Variants in CRLF2 observed in about 807,000 individuals in gnomAD.
The protein encoded by CRLF2 is cytokine receptor like factor 2, also known as cytokine receptor-like factor 2.
Under a neutral mutation model 38.7 loss-of-function variants are expected in CRLF2, and 41 were observed. The observed-to-expected ratio is 1.06, with a 90% CI of 0.83 to 1.37. CRLF2 has a LOEUF of 1.37. Ranked by LOEUF, CRLF2 falls within the 40% of genes most tolerant of loss-of-function variation. CRLF2 has a pLI of 0.00. For missense variants in CRLF2, 377 were observed against 322.2 expected (o/e 1.17, Z -1.30); for synonymous variants, 140 against 128.8 (o/e 1.09, Z -0.59).
At chrX:1,195,142 G>A (rs1448571033) in intron 6 of CRLF2, among the ~76,000 whole-genome samples, 9 of 151,852 alleles carry the variant, frequency 5.9e-5, no homozygotes, top group Non-Finnish European at 7.4e-5. Flanking sequence ...GCAGTGAGCC[G>A]AGATCACGCC....
chrX:1,202,575 T>G (rs1216077172), intron 3 of CRLF2, 40 bp from the exon 4 acceptor site: 6 of 1,613,032 alleles, frequency 3.7e-6, no homozygotes, highest in Non-Finnish European at 5.1e-6. Flanking sequence ...CCCTCCTCTC[T>G]GAGCTGATTG....
In CRLF2 at chrX:1,191,168, G is replaced by T. The variant is rs1168463793; in HGVS notation, c.853-8C>A. On this transcript the variant is annotated splice_region_variant and splice_polypyrimidine_tract_variant and intron_variant, in intron 7 of 7. Coordinates refer to ENST00000400841, the MANE Select transcript of CRLF2 (RefSeq NM_022148.4). ...GGTGTCTGTGATCCACTCCTACCAG[G>T]AAGAACATTCTAGCTCAAACACAGT... 2.5e-6 allele frequency: 1 copy of T among 398,666 alleles called. No individual in the cohort carries two copies. Among genetic ancestry groups the T allele is most frequent in the African/African-American group, 2.1e-5 (1 of 48,724 alleles). 24.7% of individuals were successfully genotyped at this position (398,666 alleles called of 1,614,324 possible).
intron 5 of CRLF2, 93 bp downstream of exon 5, chrX:1,198,469 A>G: frequency 9.6e-7 from 1 of 1,043,400 alleles, no homozygotes; most frequent in East Asian, 4.8e-5. Flanking sequence ...CGAAGGCAGG[A>G]CACCCTCCCT....
intron 3 of CRLF2, among the ~76,000 whole-genome samples, chrX:1,205,674 A>G (rs1202342495): frequency 1.3e-4 from 20 of 150,864 alleles, no homozygotes; most frequent in African/African-American, 4.6e-4. Flanking sequence ...AGTGAAAAGG[A>G]TGCTGGGCTG....
intron 6 of CRLF2, among the ~76,000 whole-genome samples, chrX:1,196,348 C>G (rs1186497685): frequency 6.6e-6 from 1 of 151,652 alleles, no homozygotes; most frequent in African/African-American, 2.4e-5. Context: ...CCACCACACC[C>G]GGCTACTTTT....
At chrX:1,203,810 A>T (rs1473404188) in intron 3 of CRLF2, among the ~76,000 whole-genome samples, 1 of 152,156 alleles carries the variant, frequency 6.6e-6, no homozygotes, top group African/African-American at 2.4e-5. Context: ...GTGGTGACCT[A>T]TTATAGCCCA....
At chrX:1,208,689 G>C (rs555215130) in intron 2 of CRLF2, 117 bp downstream of exon 2, 40 of 725,262 alleles carry the variant, frequency 5.5e-5, no homozygotes, top group Non-Finnish European at 8.3e-5. Context: ...CAAACATTCC[G>C]GCTTGCACAG....
Position 1,212,621 on chromosome X carries a change from A to G in CRLF2, c.14T>C (p.Val5Ala). Reference protein sequence around the residue: MGRLVLLWGAAVFLL... With the variant: MGRLALLWGAAVFLL... ...AAAGACGGCAGCTCCCCACAGCAGA[A>G]CCAGCCGCCCCATGCCTGAAACAGG... Residue 5 changes from valine (V) to alanine (A), a missense_variant, in exon 1 of 8, where the codon GTT becomes GCT. By Grantham distance (64) the Val-to-Ala change is moderately conservative. Coordinates refer to ENST00000400841, the MANE Select transcript of CRLF2 (RefSeq NM_022148.4). 1 of 1,612,446 alleles carries G rather than the reference A, an allele frequency of 6.2e-7. No individual in the cohort carries two copies. Among genetic ancestry groups the G allele is most frequent in the African/African-American group, 1.3e-5 (1 of 74,828 alleles).
rs2086360356 is a variant in CRLF2 at position 1,190,764 on chromosome X, CAG to C, written c.*131_*132del. On this transcript the variant is annotated 3_prime_UTR_variant, in exon 8 of 8. Transcript: ENST00000400841. ...GCATTAGGCGGTGAGGCTGGGTCTT[CAG>C]AGTCTCCTAGTCCTACCATCATTGG... 2 of 398,376 alleles carry C rather than the reference CAG, an allele frequency of 5.0e-6. No individual in the cohort carries two copies. Among genetic ancestry groups the C allele is most frequent in the Non-Finnish European group, 4.4e-6 (1 of 226,176 alleles). 24.7% of individuals were successfully genotyped at this position (398,376 alleles called of 1,614,324 possible).
At position 1,198,736 on chromosome X, in the gene CRLF2, T is replaced by TACACATATAC. The variant is rs760783098; in HGVS notation, c.484-13_484-12insGTATATGTGT. 1.3e-6 allele frequency: 1 copy of TACACATATAC among 755,346 alleles called. No individual in the cohort carries two copies. The highest frequency in any genetic ancestry group is 2.0e-5 in the African/African-American group (1 of 50,506). The allele number at this position is 755,346 out of a possible 1,614,324, so 46.8% of individuals were successfully genotyped here. Reference sequence around the variant, plus strand: ...TTTTCCTGTTTGGACTGGAGAAACATACACACACACACACACACACACACA... The same window carrying TACACATATAC: ...TTTTCCTGTTTGGACTGGAGAAACATACACATATACACACACACACACACACACACACACA... On this transcript the variant is annotated splice_polypyrimidine_tract_variant and intron_variant, in intron 4 of 7. Coordinates refer to ENST00000400841, the MANE Select transcript of CRLF2 (RefSeq NM_022148.4).
At chrX:1,192,620 TTC>T (rs1369717742) in intron 7 of CRLF2, among the ~76,000 whole-genome samples, 1 of 151,404 alleles carries the variant, frequency 6.6e-6, no homozygotes, top group South Asian at 2.1e-4. Flanking sequence ...CTTTCCTTCT[TTC>T]TCTCTCTTTC....
intron 5 of CRLF2, among the ~76,000 whole-genome samples, chrX:1,197,726 A>G (rs1446241574): frequency 6.6e-6 from 1 of 151,988 alleles, no homozygotes; most frequent in Non-Finnish European, 1.5e-5. Flanking sequence ...AGGCAGGAGA[A>G]TCACTTGAAC....
At chrX:1,207,720 G>T (rs2086718109) in intron 2 of CRLF2, among the ~76,000 whole-genome samples, 1 of 151,580 alleles carries the variant, frequency 6.6e-6, no homozygotes, top group Admixed American at 6.6e-5. Context: ...TGCAATCTCG[G>T]CTCACCGTGA....
intron 7 of CRLF2, 111 bp from the exon 8 acceptor site, chrX:1,191,271 C>G (rs1195722739): frequency 2.5e-6 from 1 of 394,946 alleles, no homozygotes; most frequent in East Asian, 3.6e-5. Flanking sequence ...CTTTCTCTTT[C>G]TTTCTCTCTC....
At chrX:1,192,714 TTCTTTCTTTCTTTCTTTC>T (rs1246985698) in intron 7 of CRLF2, among the ~76,000 whole-genome samples, 7 of 40,416 alleles carry the variant, frequency 1.7e-4, no homozygotes, top group African/African-American at 1.2e-3. Context: ...TTTCTTTTCT[TTCTTTCTTTCTTTCTTTC>T]TTTCTTTCTT....
chrX:1,193,472 G>A (rs2086428460), intron 6 of CRLF2, among the ~76,000 whole-genome samples, 170 bp from the exon 7 acceptor site: 1 of 152,020 alleles, frequency 6.6e-6, no homozygotes, highest in African/African-American at 2.4e-5. Context: ...TGCCTCTGGG[G>A]TCCTCATAAA....
intron 1 of CRLF2, among the ~76,000 whole-genome samples, chrX:1,210,178 G>A (rs1430385860): frequency 4.0e-5 from 6 of 151,652 alleles, no homozygotes; most frequent in African/African-American, 1.2e-4. Context: ...GACTTTCTAC[G>A]TTTGCTAGGA....
Position 1,208,846 on chromosome X carries a change from C to T in CRLF2, c.142G>A (p.Ala48Thr), listed in dbSNP as rs2086736711. 1 of 1,612,754 alleles carries T rather than the reference C, an allele frequency of 6.2e-7. No individual in the cohort carries two copies. The highest frequency in any genetic ancestry group is 8.5e-7 in the Non-Finnish European group (1 of 1,178,890). ...NLETVQVTWN[A>T]SKYSRTNLTF... is the part of the protein sequence containing the mutation. ...AGGTTGGTCCTGGAGTATTTGCTGG[C>T]ATTCCATGTCACCTGCACGGTTTCT... is the stretch of plus-strand genomic sequence containing the variant. The change falls in exon 2 of 8, where the codon GCC (alanine) becomes ACC (threonine). Residue 48 changes from alanine to threonine, a missense_variant. Transcript: ENST00000400841.
At chrX:1,196,187 A>T (rs2086471285) in intron 6 of CRLF2, among the ~76,000 whole-genome samples, 1 of 119,470 alleles carries the variant, frequency 8.4e-6, no homozygotes. Flanking sequence ...GGCAGGGCTA[A>T]TTTTTTTTTT....
Sources: gnomAD v4.1 joint callset for allele counts (sites outside exome capture counted in the v4.1 genomes callset) on GRCh38, gnomAD v4.1.1 for gene constraint, MANE v1.5 for transcripts, NCBI Gene and HGNC (gene_info 2026-07-23, HGNC 2026-07-21) for gene names.